Variants in LGI2 observed in about 807,000 individuals in gnomAD.
LGI2 encodes the protein leucine rich repeat LGI family member 2.
LGI2 carries 30 observed loss-of-function variants against 52.0 expected under a neutral mutation model. The observed-to-expected ratio is 0.58, with a 90% CI of 0.43 to 0.78. The LOEUF (loss-of-function observed/expected upper bound fraction) is 0.78, where lower values mean the gene tolerates loss of function less well. Among genes scored for constraint, LGI2 ranks in the 30% least tolerant of loss-of-function variants. The probability of loss-of-function intolerance (pLI) is 0.00; values close to 1 mark genes in which losing one functional copy is unlikely to be tolerated. For synonymous variants in LGI2, 270 were observed against 271.8 expected (o/e 0.99, Z 0.06); for missense variants, 573 against 692.5 (o/e 0.83, Z 1.94).
chr4:25,003,473 A>G lies in LGI2; in HGVS notation c.1616T>C (p.Ile539Thr), dbSNP rs150163590. ...CCTTCACAAACTTAAGTCAACAATT[A>G]TATGTTCAAAAATCTTTGTTTTCCC... ...FKGKTKIFEH[I>T]IVDLSL Residue 539 changes from isoleucine (I) to threonine (T), a missense_variant, in exon 8 of 8, where the codon ATA becomes ACA. Coordinates refer to ENST00000382114, the MANE Select transcript of LGI2 (RefSeq NM_018176.4). The G allele has an allele frequency of 3.1e-5, 49 of 1,594,572 alleles. No individual in the cohort carries two copies. The highest frequency in any genetic ancestry group is 4.0e-5 in the Non-Finnish European group (47 of 1,173,686).
At chr4:25,014,830 CAAAAAAAAAA>C (rs60168915) in intron 6 of LGI2, among the ~76,000 whole-genome samples, 2 of 85,808 alleles carry the variant, frequency 2.3e-5, no homozygotes, top group African/African-American at 8.5e-5. Context: ...GACCTTGTCT[CAAAAAAAAAA>C]AAAAAAAAAA....
At chr4:24,997,777 G>A (rs1005231671), downstream of LGI2, among the ~76,000 whole-genome samples, 1 of 152,160 alleles carries the variant, frequency 6.6e-6, no homozygotes, top group African/African-American at 2.4e-5. Context: ...ACTGTGCCCT[G>A]CTTCAAACCA....
chr4:25,029,772 T>C (rs1726263519), intron 1 of LGI2, among the ~76,000 whole-genome samples: 1 of 152,238 alleles, frequency 6.6e-6, no homozygotes, highest in African/African-American at 2.4e-5. Context: ...GAAGCCCTCC[T>C]GACCTCAGGG....
intron 3 of LGI2, among the ~76,000 whole-genome samples, 179 bp from the exon 4 acceptor site, chr4:25,025,070 G>A (rs772280495): frequency 1.2e-4 from 19 of 152,130 alleles, no homozygotes; most frequent in African/African-American, 2.4e-4. Flanking sequence ...GCAAAAATGC[G>A]TGCACGGGAG....
Position 25,003,135 on chromosome 4 carries a change from GTCT to G in LGI2, c.*313_*315del. 4.7e-6 allele frequency: 1 copy of G among 211,344 alleles called. No individual in the cohort carries two copies. Among genetic ancestry groups the G allele is most frequent in the Admixed American group, 5.6e-5 (1 of 17,924 alleles). 13.1% of individuals were successfully genotyped at this position (211,344 alleles called of 1,614,324 possible). On this transcript the variant is annotated 3_prime_UTR_variant, in exon 8 of 8. Transcript: ENST00000382114. ...AAGTGCTGTCCCATCTTATCCAATT[GTCT>G]TCTTCCTCATCAAAAAGCGGGGGGG...
At chr4:25,022,060 G>A (rs1577558773) in intron 4 of LGI2, among the ~76,000 whole-genome samples, 2 of 152,194 alleles carry the variant, frequency 1.3e-5, no homozygotes, top group Middle Eastern at 6.8e-3. Flanking sequence ...GCTTAGCCCT[G>A]TGCTAGACAC....
intron 6 of LGI2, among the ~76,000 whole-genome samples, chr4:25,014,334 T>C (rs1432039335): frequency 6.6e-6 from 1 of 152,220 alleles, no homozygotes; most frequent in Admixed American, 6.5e-5. Context: ...TTTACAAATC[T>C]AGCCTGTCGT....
At chr4:25,010,680 A>G (rs957556592) in intron 7 of LGI2, among the ~76,000 whole-genome samples, 1 of 152,234 alleles carries the variant, frequency 6.6e-6, no homozygotes, top group Non-Finnish European at 1.5e-5. Context: ...TTTGTCCTCT[A>G]ACCTATGGGC....
chr4:25,012,536 A>G (rs1005265514), intron 6 of LGI2, 37 bp from the exon 7 acceptor site: 1 of 1,606,190 alleles, frequency 6.2e-7, no homozygotes, highest in Admixed American at 1.7e-5. Context: ...GCGTTCATAA[A>G]ATCTCCTGTA....
At chr4:25,017,484 G>A (rs1725808561) in intron 6 of LGI2, among the ~76,000 whole-genome samples, 2 of 135,296 alleles carry the variant, frequency 1.5e-5, no homozygotes, top group African/African-American at 5.6e-5. Context: ...GGAGATTGCA[G>A]TGAGTTGAGA....
At chr4:25,013,965 C>T (rs78247757) in intron 6 of LGI2, among the ~76,000 whole-genome samples, 3,325 of 152,302 alleles carry the variant, frequency 0.022, 51 homozygotes, top group Non-Finnish European at 0.032. Context: ...TCTGTGTTCA[C>T]ATGTAGACAG....
At chr4:25,017,889 AG>A in intron 6 of LGI2, 99 bp downstream of exon 6, 1 of 997,850 alleles carries the variant, frequency 1.0e-6, no homozygotes, top group Non-Finnish European at 1.4e-6. Flanking sequence ...TTTGATAAAC[AG>A]TTCTATATTC....
chr4:25,022,012 C>T (rs1209547430), intron 4 of LGI2, among the ~76,000 whole-genome samples: 1 of 151,942 alleles, frequency 6.6e-6, no homozygotes, highest in Admixed American at 6.6e-5. Context: ...ATTAAGAAGC[C>T]ATCCATCCAT....
At chr4:25,021,803 C>A (rs112930133) in intron 4 of LGI2, among the ~76,000 whole-genome samples, 5,030 of 151,906 alleles carry the variant, frequency 0.033, 269 homozygotes, top group African/African-American at 0.11. Context: ...TGGTGGCACA[C>A]GCCTGTAGTC....
At chr4:25,008,414 A>G (rs1725462067) in intron 7 of LGI2, among the ~76,000 whole-genome samples, 1 of 151,898 alleles carries the variant, frequency 6.6e-6, no homozygotes, top group African/African-American at 2.4e-5. Context: ...TTATCCAGGC[A>G]TGGTGGTGTG....
chr4:25,011,739 A>G (rs1301866315), intron 7 of LGI2, among the ~76,000 whole-genome samples: 1 of 152,262 alleles, frequency 6.6e-6, no homozygotes, highest in Non-Finnish European at 1.5e-5. Context: ...AAAAGCAAGT[A>G]GACAGTCCAC....
chr4:25,015,477 T>A (rs748485117), intron 6 of LGI2, among the ~76,000 whole-genome samples: 5 of 152,142 alleles, frequency 3.3e-5, no homozygotes, highest in Non-Finnish European at 7.4e-5. Flanking sequence ...TGATATGAAT[T>A]ACACCCCTTG....
In LGI2 at chr4:25,003,268, A is replaced by G. The variant is rs1382124356; in HGVS notation, c.*183T>C. On this transcript the variant is annotated 3_prime_UTR_variant, in exon 8 of 8. Transcript: ENST00000382114. ...AAATGGTAGAATGGGCATGTCATGCAGTTAGCCAATAAATGCAATCCCTGA... is the reference window on the plus strand; with the variant it reads ...AAATGGTAGAATGGGCATGTCATGCGGTTAGCCAATAAATGCAATCCCTGA... 4 of 532,780 alleles carry G rather than the reference A, an allele frequency of 7.5e-6. No homozygotes were observed. Among genetic ancestry groups the G allele is most frequent in the Admixed American group, 3.7e-5 (1 of 27,158 alleles). The allele number at this position is 532,780 out of a possible 1,614,324, so 33.0% of individuals were successfully genotyped here.
downstream of LGI2, among the ~76,000 whole-genome samples, chr4:24,996,540 C>T (rs571529484): frequency 7.9e-5 from 12 of 152,288 alleles, no homozygotes; most frequent in South Asian, 8.3e-4. Context: ...AGTCACACCA[C>T]GGTGAGCAGA....
Sources: allele counts gnomAD v4.1 joint callset (sites outside exome capture counted in the v4.1 genomes callset), GRCh38; gene constraint gnomAD v4.1.1; transcripts MANE v1.5; gene names NCBI Gene and HGNC (gene_info 2026-07-23, HGNC 2026-07-21).